The following ABHD2 variants were observed in gnomAD, a reference collection of about 807,000 sequenced individuals.
The protein encoded by ABHD2 is abhydrolase domain containing 2, acylglycerol lipase.
In ABHD2, 20 loss-of-function variants were observed where a neutral mutation model predicts 48.1. That is an observed-to-expected ratio of 0.42 (90% CI 0.29 to 0.60). ABHD2 has a LOEUF of 0.60. Ranked by LOEUF, ABHD2 falls within the 20% of genes least tolerant of loss-of-function variation. ABHD2 has a pLI of 0.24. For missense variants in ABHD2, 405 were observed against 550.9 expected (o/e 0.74, Z 2.65); for synonymous variants, 209 against 214.2 (o/e 0.98, Z 0.21).
Position 89,201,151 on chromosome 15 carries a change from G to A in ABHD2, c.*5728G>A, listed in dbSNP as rs1423847625. 7 of 1,342,188 alleles carry A rather than the reference G, an allele frequency of 5.2e-6. No homozygotes were observed. Among genetic ancestry groups the A allele is most frequent in the Non-Finnish European group, 6.4e-6 (6 of 934,374 alleles). The allele number at this position is 1,342,188 out of a possible 1,614,324, so 83.1% of individuals were successfully genotyped here. A position where few individuals can be genotyped will look rare whatever the true frequency, so the allele number is the denominator to read the frequency against. On this transcript the variant is annotated 3_prime_UTR_variant, in exon 11 of 11. Transcript: ENST00000352732. Reference sequence around the variant, plus strand: ...CAAGAAGTGAAGGAAGAAGACTGGTGACATCTCTGAAGGATGCAGTTGAGG... The same window carrying A: ...CAAGAAGTGAAGGAAGAAGACTGGTAACATCTCTGAAGGATGCAGTTGAGG...
Position 89,190,947 on chromosome 15 carries a change from G to C in ABHD2, c.927-133G>C, listed in dbSNP as rs560348462. On this transcript the variant is annotated intron_variant, in intron 8 of 10. Transcript: ENST00000352732. ...AAAATCAGCTCAGCATTCAGGCCTA[G>C]CTCCTGCCTCTGTCTACTCTACCAA... 9.4e-6 allele frequency: 7 copies of C among 745,810 alleles called. No individual in the cohort carries two copies. The East Asian group carries it at 1.6e-4, about 17-fold the overall frequency. The allele number at this position is 745,810 out of a possible 1,614,324, so 46.2% of individuals were successfully genotyped here.
chr15:89,095,214 T>C (rs557161949), intron 1 of ABHD2, among the ~76,000 whole-genome samples: 3 of 152,160 alleles, frequency 2.0e-5, no homozygotes, highest in Non-Finnish European at 2.9e-5. Flanking sequence ...TGGGAGGGCC[T>C]AAAGTCGAGG....
At position 89,167,874 on chromosome 15, in the gene ABHD2, T is replaced by C. The variant is rs1448612439; in HGVS notation, c.539-7938T>C. Among the ~76,000 whole-genome samples, 1 of 152,236 alleles carries C rather than the reference T, an allele frequency of 6.6e-6. No individual in the cohort carries two copies. The highest frequency in any genetic ancestry group is 1.9e-4 in the East Asian group (1 of 5,194). On this transcript the variant is annotated intron_variant, in intron 5 of 10. Coordinates refer to ENST00000352732, the MANE Select transcript of ABHD2 (RefSeq NM_152924.5). The surrounding 1 kb of genome is among the most constrained non-coding windows in gnomAD (Gnocchi z 5.5). ...CTGTATTTTTCTCTTAGGCTAAACT[T>C]AGTGGGAAAGATATTCAAGTACCTC... is the stretch of plus-strand genomic sequence containing the variant.
the ABHD2 span, among the ~76,000 whole-genome samples, chr15:89,081,492 T>A: frequency 6.6e-6 from 1 of 152,182 alleles, no homozygotes; most frequent in Non-Finnish European, 1.5e-5. Flanking sequence ...CACGTCTGCA[T>A]TGTGGGTGAT....
chr15:89,099,814 G>A (rs865882855), intron 1 of ABHD2, among the ~76,000 whole-genome samples: 2 of 151,294 alleles, frequency 1.3e-5, no homozygotes, highest in Middle Eastern at 3.4e-3. Context: ...TGAGGCATGA[G>A]AATAGAATTG....
chr15:89,118,737 C>T (rs2150819583), intron 3 of ABHD2, among the ~76,000 whole-genome samples: 1 of 152,296 alleles, frequency 6.6e-6, no homozygotes, highest in East Asian at 1.9e-4. Context: ...AGAAAAACAT[C>T]ATGTAAGGTT....
chr15:89,131,067 C>A (rs1684683047), intron 3 of ABHD2, among the ~76,000 whole-genome samples: 1 of 152,184 alleles, frequency 6.6e-6, no homozygotes. Flanking sequence ...AATGCAATAG[C>A]TTTCCCTCCA....
Position 89,094,544 on chromosome 15 carries a change from C to T in ABHD2, c.-107+5981C>T, listed in dbSNP as rs1310916233. ...TCAACATGGTGAAACCCCGTCTCTA[C>T]TAAAAATACAAAAATTAGCTGAGCA... On this transcript the variant is annotated intron_variant, in intron 1 of 10. Transcript: ENST00000352732. The surrounding 1 kb of genome is among the most constrained non-coding windows in gnomAD (Gnocchi z 4.7). 2.0e-5 allele frequency among the ~76,000 whole-genome samples: 3 copies of T among 151,584 alleles called. No homozygotes were observed. Among genetic ancestry groups the T allele is most frequent in the Non-Finnish European group, 4.4e-5 (3 of 67,922 alleles).
chr15:89,112,690 T>C (rs2049894329), intron 1 of ABHD2, among the ~76,000 whole-genome samples: 1 of 152,222 alleles, frequency 6.6e-6, no homozygotes, highest in Non-Finnish European at 1.5e-5. Flanking sequence ...GCTGTCTGAC[T>C]TTGGGCAAGC....
intron 3 of ABHD2, among the ~76,000 whole-genome samples, chr15:89,149,132 A>C (rs1011574173): frequency 6.6e-6 from 1 of 152,064 alleles, no homozygotes; most frequent in African/African-American, 2.4e-5. Context: ...ATAAAATTAA[A>C]CCTTTTGAGA....
chr15:89,054,994 G>C, the ABHD2 span, among the ~76,000 whole-genome samples: 1 of 152,108 alleles, frequency 6.6e-6, no homozygotes. Flanking sequence ...GGGAGGCTGA[G>C]GTTGGAGGAT....
Position 89,195,118 on chromosome 15 carries a change from A to T in ABHD2, c.1082-109A>T. 1.6e-5 allele frequency: 20 copies of T among 1,278,930 alleles called. No individual in the cohort carries two copies. Among genetic ancestry groups the T allele is most frequent in the Non-Finnish European group, 2.2e-5 (20 of 924,522 alleles). 79.2% of individuals were successfully genotyped at this position (1,278,930 alleles called of 1,614,324 possible). A position where few individuals can be genotyped will look rare whatever the true frequency, so the allele number is the denominator to read the frequency against. ...GTGAGTAGAGGTTGGATGCCCACTT[A>T]GGTGACCCTGCGGGGACAGCCAGGC... On this transcript the variant is annotated intron_variant, in intron 10 of 10. Coordinates refer to ENST00000352732, the MANE Select transcript of ABHD2 (RefSeq NM_152924.5). This position sits in a 1 kb window ranked among gnomAD's most constrained non-coding sequence, Gnocchi z 5.1.
chr15:89,084,955 G>A (rs1901329331), upstream of ABHD2, among the ~76,000 whole-genome samples: 1 of 152,160 alleles, frequency 6.6e-6, no homozygotes, highest in Non-Finnish European at 1.5e-5. This position sits in a 1 kb window ranked among gnomAD's most constrained non-coding sequence, Gnocchi z 4.4. Context: ...CCCAGCAGTA[G>A]AGCTTCCAAA....
chr15:89,169,746 A>T (rs1237472955), intron 5 of ABHD2, among the ~76,000 whole-genome samples: 1 of 152,224 alleles, frequency 6.6e-6, no homozygotes, highest in East Asian at 1.9e-4. Context: ...GAGGAAATGT[A>T]AACATCTTTT....
Position 89,200,990 on chromosome 15 carries a change from G to A in ABHD2, c.*5567G>A, listed in dbSNP as rs980337456. The A allele has an allele frequency of 1.4e-4, 77 of 535,502 alleles. 1 individual carries two copies. The highest frequency in any genetic ancestry group is 3.2e-4 in the South Asian group (14 of 43,308). The allele number at this position is 535,502 out of a possible 1,614,324, so 33.2% of individuals were successfully genotyped here. ...CCAGCTACTCGGGAGGCTGAGGTGG[G>A]AGAATTGCTTGAACCCAGGAGACGG... On this transcript the variant is annotated 3_prime_UTR_variant, in exon 11 of 11. Coordinates refer to ENST00000352732, the MANE Select transcript of ABHD2 (RefSeq NM_152924.5).
rs565628896 is a variant in ABHD2, at chr15:89,201,797, C to T, written c.*6374C>T. 66 of 1,401,934 alleles carry T rather than the reference C, an allele frequency of 4.7e-5. No individual in the cohort carries two copies. Among genetic ancestry groups the T allele is most frequent in the Admixed American group, 4.2e-4 (25 of 59,696 alleles). The allele number at this position is 1,401,934 out of a possible 1,614,324, so 86.8% of individuals were successfully genotyped here. On this transcript the variant is annotated 3_prime_UTR_variant, in exon 11 of 11. Coordinates refer to ENST00000352732, the MANE Select transcript of ABHD2 (RefSeq NM_152924.5). ...GCTTCGCCGTGGCCCCGGAGGCAGA[C>T]GCCATTGGAGAGACAGCGCAGAGCA...
At chr15:89,193,007 C>G (rs181386070) in intron 9 of ABHD2, among the ~76,000 whole-genome samples, 5 of 152,318 alleles carry the variant, frequency 3.3e-5, no homozygotes, top group Non-Finnish European at 4.4e-5. Context: ...TATCAGGAAG[C>G]TTTCTTCTAC....
the ABHD2 span, among the ~76,000 whole-genome samples, chr15:89,053,088 C>A: frequency 6.6e-6 from 1 of 151,954 alleles, no homozygotes; most frequent in Admixed American, 6.6e-5. Context: ...CTGCCTCCAC[C>A]CCCGAGTAGC....
At chr15:89,122,805 T>G (rs985063426) in intron 3 of ABHD2, among the ~76,000 whole-genome samples, 1 of 152,214 alleles carries the variant, frequency 6.6e-6, no homozygotes, top group African/African-American at 2.4e-5. Flanking sequence ...TTTCACTCGT[T>G]AGCAAGCTTG....
Sources: gnomAD v4.1 joint callset for allele counts (sites outside exome capture counted in the v4.1 genomes callset) on GRCh38, gnomAD v4.1.1 for gene constraint, Gnocchi (gnomAD v3.1) non-coding constraint, MANE v1.5 for transcripts, NCBI Gene and HGNC (gene_info 2026-07-23, HGNC 2026-07-21) for gene names.